PIP5K1A: variants seen among roughly 807,000 people sequenced by gnomAD.
The protein encoded by PIP5K1A is phosphatidylinositol 4-phosphate 5-kinase type-1 alpha.
PIP5K1A carries 46 observed loss-of-function variants against 72.9 expected under a neutral mutation model. The observed-to-expected ratio is 0.63, with a 90% confidence interval of 0.50 to 0.81. The LOEUF (loss-of-function observed/expected upper bound fraction) is 0.81, where lower values mean the gene tolerates loss of function less well. Among genes scored for constraint, PIP5K1A ranks in the 30% least tolerant of loss-of-function variants. PIP5K1A has a pLI of 0.00. For synonymous variants in PIP5K1A, 228 were observed against 255.1 expected (o/e 0.89, Z 1.01); for missense variants, 458 against 706.1 (o/e 0.65, Z 3.98).
chr1:151,207,600 C>T (rs1323852390), intron 1 of PIP5K1A, among the ~76,000 whole-genome samples: 5 of 146,766 alleles, frequency 3.4e-5, no homozygotes, highest in Admixed American at 6.9e-5. Flanking sequence ...GGCGTGATCT[C>T]GGCTCACTGT....
rs1692847521 is a variant in PIP5K1A, at chr1:151,248,965, G to A, written c.*1100G>A. 1 of 152,370 alleles carries A rather than the reference G, an allele frequency of 6.6e-6. No homozygotes were observed. The highest frequency in any genetic ancestry group is 1.5e-5 in the Non-Finnish European group (1 of 68,052). The allele number at this position is 152,370 out of a possible 1,614,324, so 9.4% of individuals were successfully genotyped here. ...ACTCATGGGGAGACAGCAGATTCTT[G>A]CCTTGGTGAGGTCATTGCTGTGCCA... On this transcript the variant is annotated 3_prime_UTR_variant, in exon 16 of 16. Coordinates refer to ENST00000368888, the MANE Select transcript of PIP5K1A (RefSeq NM_001135638.2).
intron 12 of PIP5K1A, chr1:151,240,330 T>G (rs1027133475): frequency 4.3e-5 from 16 of 371,538 alleles, no homozygotes; most frequent in Non-Finnish European, 7.8e-5. Context: ...GTTGTGGATG[T>G]AGGATCCATG....
chr1:151,236,524 CAA>C (rs1182607100), intron 8 of PIP5K1A, 32 bp from the exon 9 acceptor site: 1 of 1,439,562 alleles, frequency 6.9e-7, no homozygotes, highest in Admixed American at 2.0e-5. Context: ...TTATTTCTTC[CAA>C]GGCTCAGATC....
chr1:151,246,809 AT>A (rs1253855004), intron 14 of PIP5K1A, 110 bp from the exon 15 acceptor site: 8 of 739,820 alleles, frequency 1.1e-5, no homozygotes, highest in Non-Finnish European at 1.8e-5. Context: ...CAAATTCTAA[AT>A]TGATTCCAAA....
intron 8 of PIP5K1A, 119 bp from the exon 9 acceptor site, chr1:151,236,439 G>A (rs1292711244): frequency 4.6e-6 from 3 of 658,312 alleles, no homozygotes; most frequent in Admixed American, 5.3e-5. Flanking sequence ...TCACACCACT[G>A]CACTCTAGCC....
chr1:151,211,944 AC>A (rs1572185167), intron 1 of PIP5K1A, among the ~76,000 whole-genome samples: 1 of 151,776 alleles, frequency 6.6e-6, no homozygotes, highest in Admixed American at 6.6e-5. Context: ...TCTACTAAAA[AC>A]AAAAAATAAA....
Position 151,244,936 on chromosome 1 carries a change from C to CTT in PIP5K1A, c.1641-1968_1641-1967dup, listed in dbSNP as rs971449862. Among the ~76,000 whole-genome samples the CTT allele has an allele frequency of 4.7e-3, 612 of 131,086 alleles. 5 individuals carry two copies. The highest frequency in any genetic ancestry group is 0.016 in the Middle Eastern group (4 of 258). The allele number at this position is 131,086 out of a possible 152,430, so 86.0% of individuals were successfully genotyped here. ...CTGGAGCTTATCCTTGCTCAAAAGC[C>CTT]TTTTTTTTTTTTTTTTTGGTAGAGA... On this transcript the variant is annotated intron_variant, in intron 14 of 15. Coordinates refer to ENST00000368888, the MANE Select transcript of PIP5K1A (RefSeq NM_001135638.2).
At chr1:151,245,247 G>T (rs1175944948) in intron 14 of PIP5K1A, among the ~76,000 whole-genome samples, 1 of 152,020 alleles carries the variant, frequency 6.6e-6, no homozygotes, top group Non-Finnish European at 1.5e-5. Context: ...AATTCATTAG[G>T]CACATATTCT....
chr1:151,238,490 C>T (rs758943836), intron 10 of PIP5K1A: 26 of 501,782 alleles, frequency 5.2e-5, no homozygotes, highest in South Asian at 2.1e-5. Flanking sequence ...TAATGTATAC[C>T]TTCTGTGGAA....
chr1:151,203,067 T>C (rs868214676), intron 1 of PIP5K1A, among the ~76,000 whole-genome samples: 4 of 152,270 alleles, frequency 2.6e-5, no homozygotes, highest in South Asian at 2.1e-4. Flanking sequence ...CCGCCGCCGC[T>C]GGCCTTACTT....
upstream of PIP5K1A, chr1:151,197,986 C>T (rs1404286540): frequency 2.2e-6 from 1 of 464,386 alleles, no homozygotes; most frequent in Non-Finnish European, 4.5e-6. Flanking sequence ...GATAGCCTCC[C>T]GTGCCCTTTT....
In PIP5K1A at chr1:151,249,312, A is replaced by G. The variant is rs1692893557; in HGVS notation, c.*1447A>G. The G allele has an allele frequency of 6.6e-6, 1 of 151,440 alleles. No homozygotes were observed. Among genetic ancestry groups the G allele is most frequent in the Non-Finnish European group, 1.5e-5 (1 of 67,910 alleles). The allele number at this position is 151,440 out of a possible 1,614,324, so 9.4% of individuals were successfully genotyped here. On this transcript the variant is annotated 3_prime_UTR_variant, in exon 16 of 16. Transcript: ENST00000368888. ...TCTTGCTATTTTTTTTTCATAATTT[A>G]CTATTTATGATGTATTTAAGTGTTT...
In PIP5K1A at chr1:151,239,991, G is replaced by A; in HGVS notation, c.1315G>A (p.Glu439Lys). The A allele has an allele frequency of 6.2e-7, 1 of 1,613,166 alleles. No individual in the cohort carries two copies. Among genetic ancestry groups the A allele is most frequent in the Non-Finnish European group, 8.5e-7 (1 of 1,179,544 alleles). Residue 439 changes from glutamate to lysine, a missense_variant, in exon 12 of 16, where the codon GAA becomes AAA. Glu to Lys is a moderately conservative substitution (Grantham distance 56). Coordinates refer to ENST00000368888, the MANE Select transcript of PIP5K1A (RefSeq NM_001135638.2). ...AGTGCATCGCCCAGGCTTCTACGCT[G>A]AACGGTTCCAGCGCTTCATGTGCAA... ...VSVHRPGFYA[E>K]RFQRFMCNTV...
At chr1:151,246,168 AC>A (rs1478904295) in intron 14 of PIP5K1A, among the ~76,000 whole-genome samples, 1 of 151,690 alleles carries the variant, frequency 6.6e-6, no homozygotes, top group Non-Finnish European at 1.5e-5. Flanking sequence ...AATTGCTTGA[AC>A]CCGGGAGGCA....
chr1:151,228,484 C>T (rs1027311223), intron 4 of PIP5K1A, among the ~76,000 whole-genome samples: 1 of 151,992 alleles, frequency 6.6e-6, no homozygotes, highest in Non-Finnish European at 1.5e-5. Context: ...ATTTAGCTGG[C>T]GAATAGTACC....
intron 14 of PIP5K1A, among the ~76,000 whole-genome samples, chr1:151,246,210 G>C (rs1692481957): frequency 6.6e-6 from 1 of 152,128 alleles, no homozygotes; most frequent in African/African-American, 2.4e-5. Context: ...TAGTGCCACT[G>C]CACTTCAGCC....
At chr1:151,237,945 T>G (rs1000540964) in intron 9 of PIP5K1A, among the ~76,000 whole-genome samples, 1 of 152,154 alleles carries the variant, frequency 6.6e-6, no homozygotes, top group Non-Finnish European at 1.5e-5. Context: ...GCAAGAAGAT[T>G]TGGAGAAAAC....
At chr1:151,195,884 ATTTTTT>A (rs1157195462), upstream of PIP5K1A, among the ~76,000 whole-genome samples, 20 of 62,306 alleles carry the variant, frequency 3.2e-4, no homozygotes, top group South Asian at 7.5e-4. Flanking sequence ...ACACCAGCCG[ATTTTTT>A]TTTTTTTTTT....
At chr1:151,233,038 T>G (rs1040172795) in intron 7 of PIP5K1A, among the ~76,000 whole-genome samples, 17 of 147,344 alleles carry the variant, frequency 1.2e-4, no homozygotes, top group Non-Finnish European at 5.9e-5. Flanking sequence ...AGGCGAAGTT[T>G]GCAGTGAGCC....
Sources: allele counts gnomAD v4.1 joint callset (sites outside exome capture counted in the v4.1 genomes callset), GRCh38; gene constraint gnomAD v4.1.1; transcripts MANE v1.5; gene names NCBI Gene and HGNC (gene_info 2026-07-23, HGNC 2026-07-21).